Variants in GALNT13 observed in about 807,000 individuals in gnomAD.
The protein encoded by GALNT13 is polypeptide N-acetylgalactosaminyltransferase 13.
Under a neutral mutation model 64.2 loss-of-function variants are expected in GALNT13, and 28 were observed. That is an observed-to-expected ratio of 0.44 (90% CI 0.32 to 0.60). The LOEUF (loss-of-function observed/expected upper bound fraction) is 0.60. Among genes scored for constraint, GALNT13 ranks in the 20% least tolerant of loss-of-function variants. The pLI is 0.05. For missense variants in GALNT13, 577 were observed against 669.8 expected (o/e 0.86, Z 1.53); for synonymous variants, 214 against 224.6 (o/e 0.95, Z 0.42).
intron 4 of GALNT13, among the ~76,000 whole-genome samples, chr2:154,207,446 T>A (rs1291081655): frequency 1.3e-5 from 2 of 152,218 alleles, no homozygotes; most frequent in Admixed American, 1.3e-4. Context: ...GGCAGAGATC[T>A]TGCCTTATTC....
At chr2:153,150,284 C>T in the GALNT13 span, among the ~76,000 whole-genome samples, 1 of 151,226 alleles carries the variant, frequency 6.6e-6, no homozygotes, top group Non-Finnish European at 1.5e-5. Context: ...TGAGAAGTGT[C>T]TGTTCATATC....
chr2:153,675,775 C>T, the GALNT13 span, among the ~76,000 whole-genome samples: 1 of 152,044 alleles, frequency 6.6e-6, no homozygotes, highest in Admixed American at 6.6e-5. Flanking sequence ...GTTGGGTAAA[C>T]AGTGAAATTA....
chr2:154,359,219 G>C (rs1469324514), intron 9 of GALNT13, among the ~76,000 whole-genome samples: 1 of 152,078 alleles, frequency 6.6e-6, no homozygotes, highest in South Asian at 2.1e-4. Context: ...ACTAGACCGG[G>C]TATCCTATTC....
intron 3 of GALNT13, among the ~76,000 whole-genome samples, chr2:154,070,120 G>C (rs1404799168): frequency 6.6e-6 from 1 of 152,084 alleles, no homozygotes; most frequent in Non-Finnish European, 1.5e-5. Flanking sequence ...TGTGGCCCTA[G>C]ATTTAAATTT....
chr2:153,214,119 GTT>G, the GALNT13 span, among the ~76,000 whole-genome samples: 2 of 152,064 alleles, frequency 1.3e-5, no homozygotes, highest in South Asian at 4.1e-4. Flanking sequence ...GGTATAAAAG[GTT>G]TTAAAATATT....
chr2:153,140,185 A>C, the GALNT13 span, among the ~76,000 whole-genome samples: 2 of 152,060 alleles, frequency 1.3e-5, no homozygotes, highest in East Asian at 1.9e-4. Flanking sequence ...AGTCATTAAC[A>C]TTACAGCTAA....
chr2:153,431,837 A>G, the GALNT13 span, among the ~76,000 whole-genome samples: 3 of 152,238 alleles, frequency 2.0e-5, no homozygotes, highest in African/African-American at 7.2e-5. Context: ...TTGCTTTCTC[A>G]ACAATCAGTG....
the GALNT13 span, among the ~76,000 whole-genome samples, chr2:153,709,195 A>T: frequency 6.6e-6 from 1 of 152,096 alleles, no homozygotes. Context: ...GAAACAATTT[A>T]CAAATTGGGA....
chr2:153,229,881 C>T, the GALNT13 span, among the ~76,000 whole-genome samples: 1 of 152,190 alleles, frequency 6.6e-6, no homozygotes, highest in African/African-American at 2.4e-5. Flanking sequence ...GGGAAGAGAG[C>T]AGAGAACATT....
the GALNT13 span, among the ~76,000 whole-genome samples, chr2:153,262,791 G>C: frequency 2.0e-5 from 3 of 151,974 alleles, no homozygotes; most frequent in African/African-American, 7.2e-5. Context: ...GGTATTAAAA[G>C]AACATACCTC....
chr2:154,232,508 A>G (rs13018573), intron 4 of GALNT13, among the ~76,000 whole-genome samples: 28,670 of 152,132 alleles, frequency 0.19, 3,125 homozygotes, highest in Middle Eastern at 0.33. Flanking sequence ...CCATTAAAGT[A>G]TACTGCAACA....
intron 3 of GALNT13, among the ~76,000 whole-genome samples, chr2:153,968,967 G>GTT (rs5835494): frequency 6.6e-6 from 1 of 151,798 alleles, no homozygotes; most frequent in Non-Finnish European, 1.5e-5. Flanking sequence ...TCTTTTTTTA[G>GTT]TTTTTTCACA....
At chr2:153,076,739 T>G in the GALNT13 span, among the ~76,000 whole-genome samples, 1 of 152,100 alleles carries the variant, frequency 6.6e-6, no homozygotes, top group Non-Finnish European at 1.5e-5. Flanking sequence ...ACTCTAAGTT[T>G]CCATAAGTTA....
intron 4 of GALNT13, among the ~76,000 whole-genome samples, chr2:154,225,841 G>A (rs1688590807): frequency 6.6e-6 from 1 of 152,028 alleles, no homozygotes; most frequent in Non-Finnish European, 1.5e-5. Context: ...CACTGAGTGG[G>A]GAAACACAAC....
chr2:153,653,238 T>C, the GALNT13 span, among the ~76,000 whole-genome samples: 2 of 152,082 alleles, frequency 1.3e-5, no homozygotes, highest in African/African-American at 2.4e-5. Flanking sequence ...GGAAGCAGAA[T>C]TGGATAGAAG....
the GALNT13 span, among the ~76,000 whole-genome samples, chr2:153,185,763 G>A: frequency 5.3e-5 from 8 of 152,206 alleles, no homozygotes; most frequent in South Asian, 4.1e-4. Flanking sequence ...ATAGTTGTGC[G>A]GTTTTGAGTA....
the GALNT13 span, among the ~76,000 whole-genome samples, chr2:153,200,180 G>A: frequency 6.6e-6 from 1 of 152,200 alleles, no homozygotes; most frequent in African/African-American, 2.4e-5. Context: ...TGAGAATTCT[G>A]AGGATAAACT....
At chr2:154,209,389 G>T (rs936419538) in intron 4 of GALNT13, among the ~76,000 whole-genome samples, 28 of 152,054 alleles carry the variant, frequency 1.8e-4, no homozygotes, top group African/African-American at 6.5e-4. Flanking sequence ...CTTTTTTCAT[G>T]ATATTTCAGG....
chr2:154,381,548 G>A (rs1698271146), intron 9 of GALNT13, among the ~76,000 whole-genome samples: 1 of 152,034 alleles, frequency 6.6e-6, no homozygotes. Context: ...GTGGAACATT[G>A]TATCCCCATC....
Sources: gnomAD v4.1 joint callset for allele counts (sites outside exome capture counted in the v4.1 genomes callset) on GRCh38, gnomAD v4.1.1 for gene constraint, MANE v1.5 for transcripts, NCBI Gene and HGNC (gene_info 2026-07-23, HGNC 2026-07-21) for gene names.